DYM: variants seen among roughly 807,000 people sequenced by gnomAD.
DYM encodes the protein dymeclin, also known as dyggve-Melchior-Clausen syndrome protein.
In DYM, 78 loss-of-function variants were observed where a neutral mutation model predicts 93.1. The observed-to-expected ratio is 0.84, with a 90% confidence interval of 0.70 to 1.01. The LOEUF (loss-of-function observed/expected upper bound fraction) is 1.01. Among genes scored for constraint, DYM ranks in the 50% least tolerant of loss-of-function variants. The pLI is 0.00. For missense variants in DYM, 789 were observed against 845.0 expected (o/e 0.93, Z 0.82); for synonymous variants, 321 against 319.7 (o/e 1.00, Z -0.04).
At chr18:49,141,947 G>A (rs1310796610) in intron 15 of DYM, among the ~76,000 whole-genome samples, 1 of 151,910 alleles carries the variant, frequency 6.6e-6, no homozygotes, top group Non-Finnish European at 1.5e-5. Context: ...TCTGCCCCCC[G>A]GGTTCATGCC....
chr18:49,294,633 A>T (rs947941990), intron 8 of DYM, among the ~76,000 whole-genome samples: 5 of 152,160 alleles, frequency 3.3e-5, no homozygotes, highest in African/African-American at 1.2e-4. Flanking sequence ...CCTCATTTTT[A>T]AAAAATGAAC....
At chr18:49,194,024 T>C (rs182858333) in intron 14 of DYM, among the ~76,000 whole-genome samples, 8 of 152,348 alleles carry the variant, frequency 5.3e-5, no homozygotes, top group Admixed American at 4.6e-4. Context: ...CAAATAAATC[T>C]AAGGGCTGGC....
intron 15 of DYM, among the ~76,000 whole-genome samples, chr18:49,140,184 T>C (rs1356807042): frequency 6.6e-6 from 1 of 152,108 alleles, no homozygotes; most frequent in Non-Finnish European, 1.5e-5. Flanking sequence ...GTCTAAAGCT[T>C]TTTCAGAAGA....
At chr18:49,430,169 CA>C in intron 2 of DYM, 85 bp downstream of exon 2, 1 of 1,277,716 alleles carries the variant, frequency 7.8e-7, no homozygotes, top group Non-Finnish European at 1.1e-6. Flanking sequence ...ATAGACAGAA[CA>C]TTTCTAAATT....
At chr18:49,045,152 G>A (rs2071312075) in intron 17 of DYM, among the ~76,000 whole-genome samples, 1 of 152,214 alleles carries the variant, frequency 6.6e-6, no homozygotes, top group Admixed American at 6.5e-5. Context: ...GGTTGGGTGG[G>A]GAGAGAGGGG....
chr18:49,396,381 A>G (rs2070091096), intron 2 of DYM, among the ~76,000 whole-genome samples: 1 of 152,198 alleles, frequency 6.6e-6, no homozygotes, highest in African/African-American at 2.4e-5. Context: ...GCTTGAGACC[A>G]GGAGCATTTC....
intron 5 of DYM, among the ~76,000 whole-genome samples, chr18:49,372,511 G>C (rs1332776503): frequency 6.6e-6 from 1 of 152,208 alleles, no homozygotes; most frequent in African/African-American, 2.4e-5. Context: ...GGGAGGCCGA[G>C]GCAGGCAGAT....
intron 17 of DYM, among the ~76,000 whole-genome samples, chr18:49,049,035 C>A (rs1416661830): frequency 6.6e-6 from 1 of 152,114 alleles, no homozygotes; most frequent in Non-Finnish European, 1.5e-5. Context: ...TGATAGTACA[C>A]AAAAATGGTA....
intron 17 of DYM, among the ~76,000 whole-genome samples, chr18:49,060,634 A>AGAGAGGGG (rs1279787387): frequency 7.1e-5 from 7 of 98,630 alleles, no homozygotes; most frequent in Non-Finnish European, 8.3e-5. Flanking sequence ...GGGAGGGGGG[A>AGAGAGGGG]GAGAGGGGGA....
At chr18:49,154,527 TG>T (rs2144814429) in intron 15 of DYM, among the ~76,000 whole-genome samples, 2 of 152,198 alleles carry the variant, frequency 1.3e-5, no homozygotes, top group South Asian at 4.2e-4. Context: ...CCCGAATATC[TG>T]GGATTACAGT....
At position 49,140,051 on chromosome 18, in the gene DYM, T is replaced by C. The variant is rs1475127665; in HGVS notation, c.1729-21125A>G. ...CAGGCTTTTGAACAATGGGCACCCA[T>C]TCAATAAATTCAAAAAATAAATGAC... is the stretch of plus-strand genomic sequence containing the variant. On this transcript the variant is annotated intron_variant, in intron 15 of 17. Coordinates refer to ENST00000675505, the MANE Select transcript of DYM (RefSeq NM_001353214.3). Among the ~76,000 whole-genome samples, 4 of 152,148 alleles carry C rather than the reference T, an allele frequency of 2.6e-5. No individual in the cohort carries two copies. In the East Asian group the frequency reaches 5.8e-4, roughly 22 times the overall value.
intron 8 of DYM, among the ~76,000 whole-genome samples, chr18:49,287,432 T>C (rs377627737): frequency 1.3e-5 from 2 of 151,706 alleles, no homozygotes; most frequent in East Asian, 1.9e-4. Context: ...CAAAAATTCA[T>C]AGTGGTCAAA....
intron 14 of DYM, among the ~76,000 whole-genome samples, chr18:49,179,745 G>A (rs77247624): frequency 2.0e-5 from 3 of 152,094 alleles, no homozygotes; most frequent in African/African-American, 2.4e-5. Context: ...TGTTTAACAC[G>A]AAGTATCTAC....
Position 49,039,165 on chromosome 18 carries a change from A to G in DYM, c.*4890T>C, listed in dbSNP as rs989205488. 1.3e-5 allele frequency among the ~76,000 whole-genome samples: 2 copies of G among 152,140 alleles called. No individual in the cohort carries two copies. Among genetic ancestry groups the G allele is most frequent in the South Asian group, 2.1e-4 (1 of 4,834 alleles). ...TTCATATCCTCTTCATTTTTGCAGG[A>G]TATTTTCCCTGATTAGAAATTTTTA... On this transcript the variant is annotated 3_prime_UTR_variant, in exon 18 of 18. Transcript: ENST00000675505.
At chr18:49,092,504 G>C (rs2079135311) in intron 17 of DYM, among the ~76,000 whole-genome samples, 1 of 152,220 alleles carries the variant, frequency 6.6e-6, no homozygotes, top group Non-Finnish European at 1.5e-5. Context: ...TGCAACGCAA[G>C]GGGGTGCCTT....
intron 13 of DYM, among the ~76,000 whole-genome samples, chr18:49,254,399 T>C (rs1303314325): frequency 1.3e-5 from 2 of 151,488 alleles, no homozygotes; most frequent in East Asian, 3.9e-4. Flanking sequence ...AACTTTATTA[T>C]TTATTTTGAT....
intron 13 of DYM, among the ~76,000 whole-genome samples, chr18:49,256,655 G>A (rs930222849): frequency 1.3e-5 from 2 of 152,128 alleles, no homozygotes; most frequent in African/African-American, 2.4e-5. Context: ...TCTCTAAAAC[G>A]CACACAGATA....
chr18:49,296,423 T>C (rs889238375), intron 8 of DYM, among the ~76,000 whole-genome samples: 4 of 152,188 alleles, frequency 2.6e-5, no homozygotes, highest in African/African-American at 9.7e-5. Context: ...GGGCCTGCTA[T>C]GGATTGAGCA....
chr18:49,052,906 T>C (rs1025146106), intron 17 of DYM, among the ~76,000 whole-genome samples: 1 of 152,216 alleles, frequency 6.6e-6, no homozygotes, highest in Admixed American at 6.5e-5. Context: ...GGCAGGGCAC[T>C]GGTTATCTCA....
Sources: allele counts gnomAD v4.1 joint callset (sites outside exome capture counted in the v4.1 genomes callset), GRCh38; gene constraint gnomAD v4.1.1; transcripts MANE v1.5; gene names NCBI Gene and HGNC (gene_info 2026-07-23, HGNC 2026-07-21).